The following MAGI1 variants were observed in gnomAD, a reference collection of about 807,000 sequenced individuals.
MAGI1 encodes the protein membrane associated guanylate kinase, WW and PDZ domain containing 1.
Under a neutral mutation model 139.9 loss-of-function variants are expected in MAGI1, and 58 were observed. That is an observed-to-expected ratio of 0.41 (90% CI 0.34 to 0.52). The LOEUF is 0.52. MAGI1 is among the 20% of genes least tolerant of loss of function. The pLI, the probability that MAGI1 is intolerant of heterozygous loss-of-function variation, is 0.12. For missense variants in MAGI1, 1,874 were observed against 1,901.6 expected, an observed-to-expected ratio of 0.99 and a Z score of 0.27; for synonymous variants, 812 against 737.9, an observed-to-expected ratio of 1.10 and a Z score of -1.63.
chr3:65,935,417 A>C (rs1247865555), intron 1 of MAGI1, among the ~76,000 whole-genome samples: 2 of 152,180 alleles, frequency 1.3e-5, no homozygotes, highest in African/African-American at 4.8e-5. Flanking sequence ...GCAGGAGTTC[A>C]TGATCAGCCT....
chr3:65,391,153 T>C lies in MAGI1; in HGVS notation c.2405A>G (p.Tyr802Cys), dbSNP rs777693118. Residue 802 changes from tyrosine (Y) to cysteine (C), a missense_variant, in exon 14 of 23, where the codon TAT becomes TGT. Coordinates refer to ENST00000402939, the MANE Select transcript of MAGI1 (RefSeq NM_001033057.2). ...FKIWAQSRSM[Y>C]ENRLPDYQEQ... ...AGGATGCTACTCACGTCGGTTTTCA[T>C]ACATGCTCCTGGACTGGGCCCAGAT... 3.1e-6 allele frequency: 5 copies of C among 1,613,774 alleles called. No individual in the cohort carries two copies. Among genetic ancestry groups the C allele is most frequent in the Middle Eastern group, 1.6e-4 (1 of 6,078 alleles).
chr3:66,025,311 G>T (rs2107570777), intron 1 of MAGI1, among the ~76,000 whole-genome samples: 1 of 152,274 alleles, frequency 6.6e-6, no homozygotes. Flanking sequence ...GGCCAAGGTG[G>T]GTGGATTGCT....
intron 1 of MAGI1, among the ~76,000 whole-genome samples, chr3:65,844,987 C>T (rs2108358540): frequency 6.6e-6 from 1 of 152,144 alleles, no homozygotes; most frequent in Admixed American, 6.5e-5. Context: ...GGCACGGTTG[C>T]TCACACTGTA....
At chr3:65,565,716 G>T (rs1028790746) in intron 2 of MAGI1, among the ~76,000 whole-genome samples, 1 of 151,822 alleles carries the variant, frequency 6.6e-6, no homozygotes, top group African/African-American at 2.4e-5. Context: ...AATTAGCCGG[G>T]TGTGGTGGTG....
At chr3:65,740,908 A>C (rs1349746139) in intron 1 of MAGI1, among the ~76,000 whole-genome samples, 2 of 152,224 alleles carry the variant, frequency 1.3e-5, no homozygotes, top group Non-Finnish European at 2.9e-5. Context: ...ATTAACTTTG[A>C]GATCACTATT....
At position 66,037,981 on chromosome 3, in the gene MAGI1, C is replaced by T. The variant is rs572963068; in HGVS notation, c.313+15G>A. On this transcript the variant is annotated intron_variant, in intron 1 of 22. Coordinates refer to ENST00000402939, the MANE Select transcript of MAGI1 (RefSeq NM_001033057.2). ...CTTTTCTCGGGGCGCCCCCCAAAGGCGCGCCCTGCCTTACCTTGTCTGACG... is the reference window on the plus strand; with the variant it reads ...CTTTTCTCGGGGCGCCCCCCAAAGGTGCGCCCTGCCTTACCTTGTCTGACG... 1.5e-4 allele frequency: 228 copies of T among 1,532,732 alleles called. 2 individuals are homozygous for T. In the South Asian group the frequency reaches 1.6e-3, roughly 11 times the overall value. 94.9% of individuals were successfully genotyped at this position (1,532,732 alleles called of 1,614,324 possible). A position where few individuals can be genotyped will look rare whatever the true frequency, so the allele number is the denominator to read the frequency against.
At chr3:65,657,393 G>A (rs1033446253) in intron 1 of MAGI1, among the ~76,000 whole-genome samples, 1 of 148,754 alleles carries the variant, frequency 6.7e-6, no homozygotes, top group Non-Finnish European at 1.5e-5. Context: ...CCAGGAGTCC[G>A]AGACCAGCCT....
At chr3:65,541,812 T>C (rs753915124) in intron 2 of MAGI1, among the ~76,000 whole-genome samples, 3 of 152,110 alleles carry the variant, frequency 2.0e-5, no homozygotes, top group Non-Finnish European at 4.4e-5. Flanking sequence ...ACAACAAATA[T>C]CATGTTGAAT....
At chr3:65,416,936 C>G (rs1042386846) in intron 12 of MAGI1, among the ~76,000 whole-genome samples, 1 of 152,158 alleles carries the variant, frequency 6.6e-6, no homozygotes, top group African/African-American at 2.4e-5. Flanking sequence ...CAAAGACAGA[C>G]TCAGTAAGCA....
intron 1 of MAGI1, among the ~76,000 whole-genome samples, chr3:65,638,850 G>A (rs1003866828): frequency 7.3e-5 from 11 of 151,622 alleles, no homozygotes; most frequent in Admixed American, 1.3e-4. Context: ...GAGGTGATCC[G>A]CCCACCTCAG....
At chr3:65,986,007 T>C (rs1209972345) in intron 1 of MAGI1, among the ~76,000 whole-genome samples, 1 of 152,236 alleles carries the variant, frequency 6.6e-6, no homozygotes, top group East Asian at 1.9e-4. Context: ...ATAGATTCTC[T>C]GCCCTTCATT....
chr3:65,931,845 C>G (rs570971547), intron 1 of MAGI1, among the ~76,000 whole-genome samples: 1 of 150,106 alleles, frequency 6.7e-6, no homozygotes, highest in Non-Finnish European at 1.5e-5. Flanking sequence ...AAAATCACTA[C>G]CTATATTTTT....
intron 1 of MAGI1, among the ~76,000 whole-genome samples, chr3:66,006,238 G>A (rs1031255615): frequency 2.0e-5 from 3 of 152,170 alleles, no homozygotes; most frequent in Admixed American, 6.5e-5. Context: ...GCTGCTATAT[G>A]AATAATGTCA....
intron 1 of MAGI1, among the ~76,000 whole-genome samples, chr3:65,993,997 G>A (rs888764125): frequency 6.6e-6 from 1 of 152,096 alleles, no homozygotes; most frequent in Non-Finnish European, 1.5e-5. Flanking sequence ...TGGTAGGCCG[G>A]ATGCAGTGAC....
At chr3:65,425,820 C>A (rs912090221) in intron 12 of MAGI1, among the ~76,000 whole-genome samples, 3 of 151,994 alleles carry the variant, frequency 2.0e-5, no homozygotes, top group Non-Finnish European at 4.4e-5. Flanking sequence ...CACAGAGGGG[C>A]ACAGGTAGTT....
intron 2 of MAGI1, among the ~76,000 whole-genome samples, chr3:65,526,691 C>A (rs888046058): frequency 6.6e-6 from 1 of 152,200 alleles, no homozygotes; most frequent in East Asian, 1.9e-4. Flanking sequence ...ACTTTAAATA[C>A]AAGAACAACC....
intron 1 of MAGI1, among the ~76,000 whole-genome samples, chr3:65,975,740 G>T (rs2065235974): frequency 6.6e-6 from 1 of 152,198 alleles, no homozygotes; most frequent in East Asian, 1.9e-4. Flanking sequence ...CCTTTGCAAT[G>T]AAATGTCACT....
At chr3:65,775,591 C>A (rs968872306) in intron 1 of MAGI1, among the ~76,000 whole-genome samples, 1 of 136,426 alleles carries the variant, frequency 7.3e-6, no homozygotes, top group Non-Finnish European at 1.5e-5. Context: ...TGTGCAGTTA[C>A]ATACACCAAA....
At chr3:66,000,237 A>T (rs2107438169) in intron 1 of MAGI1, among the ~76,000 whole-genome samples, 1 of 152,028 alleles carries the variant, frequency 6.6e-6, no homozygotes, top group Non-Finnish European at 1.5e-5. Context: ...CGGCCTCCCA[A>T]AGTGCCCAGA....
Sources: gnomAD v4.1 joint callset for allele counts (sites outside exome capture counted in the v4.1 genomes callset) on GRCh38, gnomAD v4.1.1 for gene constraint, MANE v1.5 for transcripts, NCBI Gene and HGNC (gene_info 2026-07-23, HGNC 2026-07-21) for gene names.